PHLPP1: variants seen among roughly 807,000 people sequenced by gnomAD.
PHLPP1 encodes PH domain and leucine rich repeat protein phosphatase 1.
A neutral mutation model predicts 117.2 loss-of-function variants in PHLPP1; 42 were observed. That is an observed-to-expected ratio of 0.36 (90% CI 0.28 to 0.46). The LOEUF is 0.46. PHLPP1 is among the 20% of genes least tolerant of loss of function. PHLPP1 has a pLI of 1.00. For missense variants in PHLPP1, 2,084 were observed against 2,241.9 expected (o/e 0.93, Z 1.42); for synonymous variants, 1,042 against 970.7 (o/e 1.07, Z -1.37).
chr18:62,822,884 G>A (rs567618511), intron 1 of PHLPP1, among the ~76,000 whole-genome samples: 1 of 152,268 alleles, frequency 6.6e-6, no homozygotes, highest in South Asian at 2.1e-4. Context: ...TTTATTGCAG[G>A]TACCAAGGCA....
chr18:62,964,340 C>T (rs1460777632), intron 14 of PHLPP1, among the ~76,000 whole-genome samples: 1 of 152,156 alleles, frequency 6.6e-6, no homozygotes, highest in Non-Finnish European at 1.5e-5. Context: ...GTTTTAAAAT[C>T]TCCCCCAGGT....
intron 10 of PHLPP1, among the ~76,000 whole-genome samples, chr18:62,929,728 G>A (rs1909751990): frequency 6.6e-6 from 1 of 152,176 alleles, no homozygotes; most frequent in Non-Finnish European, 1.5e-5. Flanking sequence ...CAGGAGGATA[G>A]CTTGAGGTTA....
At chr18:62,717,386 C>A in intron 1 of PHLPP1, 127 bp downstream of exon 1, 1 of 1,258,314 alleles carries the variant, frequency 7.9e-7, no homozygotes, top group Non-Finnish European at 1.1e-6. Flanking sequence ...TTGTCTTAAA[C>A]TTTACAGCTT....
At chr18:62,974,222 C>T (rs1370749313) in intron 15 of PHLPP1, among the ~76,000 whole-genome samples, 2 of 152,124 alleles carry the variant, frequency 1.3e-5, no homozygotes, top group African/African-American at 4.8e-5. Context: ...GGTCTAGAGC[C>T]AAATATCTGA....
chr18:62,799,929 A>G (rs1214555060), intron 1 of PHLPP1, among the ~76,000 whole-genome samples: 1 of 152,220 alleles, frequency 6.6e-6, no homozygotes, highest in African/African-American at 2.4e-5. Context: ...AAGGATGTGG[A>G]CAGGGTATTG....
chr18:62,829,945 C>G (rs1914710791), intron 1 of PHLPP1, 90 bp from the exon 2 acceptor site: 1 of 813,958 alleles, frequency 1.2e-6, no homozygotes, highest in African/African-American at 1.7e-5. Flanking sequence ...GAATTATTCC[C>G]TTGTTGTCCA....
intron 10 of PHLPP1, among the ~76,000 whole-genome samples, chr18:62,924,894 C>G (rs1909579429): frequency 6.6e-6 from 1 of 151,084 alleles, no homozygotes; most frequent in Non-Finnish European, 1.5e-5. Flanking sequence ...ATCTGCTATA[C>G]CTGGTAGCAG....
intron 1 of PHLPP1, among the ~76,000 whole-genome samples, chr18:62,794,926 G>A (rs940706170): frequency 2.0e-5 from 3 of 152,138 alleles, no homozygotes; most frequent in Non-Finnish European, 4.4e-5. Context: ...AGTAGATGGA[G>A]TAGGGAACAA....
chr18:62,766,727 A>G (rs377748908), intron 1 of PHLPP1, among the ~76,000 whole-genome samples: 1 of 152,158 alleles, frequency 6.6e-6, no homozygotes, highest in Non-Finnish European at 1.5e-5. Context: ...AGATAAATAT[A>G]TATTTTTCTT....
chr18:62,890,712 CT>C (rs1196462840), intron 4 of PHLPP1, among the ~76,000 whole-genome samples: 2 of 152,212 alleles, frequency 1.3e-5, no homozygotes, highest in Non-Finnish European at 2.9e-5. Context: ...TTGACCTATA[CT>C]TTTCCAAAAG....
rs567098614 is a variant in PHLPP1 at position 62,879,446 on chromosome 18, C to T, written c.2067-15565C>T. 2.6e-5 allele frequency among the ~76,000 whole-genome samples: 4 copies of T among 152,114 alleles called. No homozygotes were observed. The South Asian group carries it at 8.3e-4, about 32-fold the overall frequency. ...TGTGTGTGTGTGTCAGAGTCTTACTCTGTCACCCAGGCTGGAGTGCAGTGG... is the reference window on the plus strand; with the variant it reads ...TGTGTGTGTGTGTCAGAGTCTTACTTTGTCACCCAGGCTGGAGTGCAGTGG... On this transcript the variant is annotated intron_variant, in intron 4 of 16. Transcript: ENST00000262719.
At chr18:62,776,575 G>C (rs979177729) in intron 1 of PHLPP1, among the ~76,000 whole-genome samples, 13 of 149,438 alleles carry the variant, frequency 8.7e-5, no homozygotes, top group African/African-American at 3.2e-4. Context: ...CACCCATGTT[G>C]TATTCAGTAG....
Position 62,958,636 on chromosome 18 carries a change from A to C in PHLPP1, c.3332A>C (p.Asp1111Ala), listed in dbSNP as rs1360053532. Residue 1111 changes from aspartate (D) to alanine (A), a missense_variant, in exon 13 of 17, where the codon GAC becomes GCC. Coordinates refer to ENST00000262719, the MANE Select transcript of PHLPP1 (RefSeq NM_194449.4). ...VMQLPEIKCV[D>A]LSCNELSEVT... ...CACTTGTTCTTTTTTCAGTGTGTGGACCTGAGCTGTAATGAGCTAAGTGAA... is the reference window on the plus strand; with the variant it reads ...CACTTGTTCTTTTTTCAGTGTGTGGCCCTGAGCTGTAATGAGCTAAGTGAA... The C allele has an allele frequency of 6.2e-7, 1 of 1,613,836 alleles. No homozygotes were observed. The highest frequency in any genetic ancestry group is 1.1e-5 in the South Asian group (1 of 91,062).
intron 1 of PHLPP1, among the ~76,000 whole-genome samples, chr18:62,735,603 CAAA>C (rs763353150): frequency 1.7e-4 from 24 of 140,648 alleles, no homozygotes; most frequent in Non-Finnish European, 3.2e-4. Context: ...ACAACAACAA[CAAA>C]ACCAGTTGAC....
rs537942076 is a variant in PHLPP1, at chr18:62,805,180, G to A, written c.1577-24855G>A. 9.2e-4 allele frequency among the ~76,000 whole-genome samples: 130 copies of A among 141,666 alleles called. 1 individual carries two copies. The highest frequency in any genetic ancestry group is 5.7e-3 in the Admixed American group (82 of 14,320). 92.9% of individuals were successfully genotyped at this position (141,666 alleles called of 152,430 possible). On this transcript the variant is annotated intron_variant, in intron 1 of 16. Coordinates refer to ENST00000262719, the MANE Select transcript of PHLPP1 (RefSeq NM_194449.4). ...ACACTGCATAGGTTATACATATACA[G>A]TATAATATACACTGCATAGGTTATA...
chr18:62,760,303 A>G (rs1044992375), intron 1 of PHLPP1, among the ~76,000 whole-genome samples: 1 of 152,176 alleles, frequency 6.6e-6, no homozygotes, highest in Non-Finnish European at 1.5e-5. Context: ...TCCTGTTCCC[A>G]GTCCCGTTGA....
At chr18:62,944,650 C>T (rs1266270580) in intron 11 of PHLPP1, among the ~76,000 whole-genome samples, 1 of 152,110 alleles carries the variant, frequency 6.6e-6, no homozygotes, top group Admixed American at 6.6e-5. Context: ...GAAGAAAAAG[C>T]TTATCTTAAT....
chr18:62,836,714 A>G (rs962608931), intron 2 of PHLPP1, among the ~76,000 whole-genome samples: 1 of 150,704 alleles, frequency 6.6e-6, no homozygotes, highest in Admixed American at 6.6e-5. Context: ...CTGTAAAGCT[A>G]TATGGGCCTG....
At chr18:62,841,867 C>T (rs1369039790) in intron 3 of PHLPP1, among the ~76,000 whole-genome samples, 1 of 152,110 alleles carries the variant, frequency 6.6e-6, no homozygotes, top group African/African-American at 2.4e-5. Flanking sequence ...AGAATAAGAC[C>T]TTCTTTCCTT....
Sources: gnomAD v4.1 joint callset for allele counts (sites outside exome capture counted in the v4.1 genomes callset) on GRCh38, gnomAD v4.1.1 for gene constraint, MANE v1.5 for transcripts, NCBI Gene and HGNC (gene_info 2026-07-23, HGNC 2026-07-21) for gene names.